DNAH8: variants seen among roughly 807,000 people sequenced by gnomAD.
The protein encoded by DNAH8 is axonemal beta dynein heavy chain 8.
A neutral mutation model predicts 562.1 loss-of-function variants in DNAH8; 382 were observed. The observed-to-expected ratio is 0.68, with a 90% CI of 0.63 to 0.74. The LOEUF is 0.74. Among genes scored for constraint, DNAH8 ranks in the 30% least tolerant of loss-of-function variants. The pLI is 0.00. For missense variants in DNAH8, 5,203 were observed against 5,620.4 expected (o/e 0.93, Z 2.37); for synonymous variants, 1,881 against 1,919.4 (o/e 0.98, Z 0.52).
At chr6:38,721,608 T>C (rs758444308) in intron 1 of DNAH8, among the ~76,000 whole-genome samples, 5 of 152,216 alleles carry the variant, frequency 3.3e-5, no homozygotes, top group Admixed American at 1.3e-4. Flanking sequence ...ATGGTTCATG[T>C]TGACACATTC....
chr6:38,786,963 T>C lies in DNAH8; in HGVS notation c.2583+11T>C. The C allele has an allele frequency of 1.9e-6, 3 of 1,556,674 alleles. No homozygotes were observed. The South Asian group carries it at 3.6e-5, about 19-fold the overall frequency. ...AAACTGTATTTGCAGGTAAGATAGA[T>C]TATGTTTTCTAATTATTTTTGAAGG... On this transcript the variant is annotated intron_variant, in intron 18 of 92. Transcript: ENST00000327475.
chr6:38,727,148 G>A (rs190887233), intron 3 of DNAH8, among the ~76,000 whole-genome samples: 39 of 152,222 alleles, frequency 2.6e-4, no homozygotes, highest in African/African-American at 9.1e-4. Flanking sequence ...GTGGGCCACC[G>A]TGCTGGGCCT....
chr6:38,842,989 G>T, intron 35 of DNAH8, 86 bp downstream of exon 35: 1 of 1,448,948 alleles, frequency 6.9e-7, no homozygotes. Flanking sequence ...TATTTTATGA[G>T]AGGTTGGACT....
In DNAH8 at chr6:38,722,825, G is replaced by GT; in HGVS notation, c.16_17insT (p.Glu6ValfsTer7). The GT allele has an allele frequency of 6.3e-7, 1 of 1,592,580 alleles. No homozygotes were observed. The highest frequency in any genetic ancestry group is 8.5e-7 in the Non-Finnish European group (1 of 1,170,544). On this transcript the variant is annotated frameshift_variant, in exon 2 of 93. Transcript: ENST00000327475. LOFTEE classifies it high-confidence loss of function. ...ACGACGGGGGATGGAGAAGGATGCT[G>GT]AAGATGGCGCCCCTTCTGAGGGAGC...
At chr6:39,007,448 A>G (rs1235614047) in intron 88 of DNAH8, among the ~76,000 whole-genome samples, 1 of 152,242 alleles carries the variant, frequency 6.6e-6, no homozygotes, top group Admixed American at 6.5e-5. Flanking sequence ...TGGACAAGAG[A>G]CAAAATTAGC....
intron 54 of DNAH8, 120 bp downstream of exon 54, chr6:38,883,172 A>G (rs1308513954): frequency 7.5e-7 from 1 of 1,338,292 alleles, no homozygotes; most frequent in Non-Finnish European, 1.0e-6. Context: ...CTGTAATACA[A>G]CTGGGACTTA....
At position 38,842,807 on chromosome 6, in the gene DNAH8, C is replaced by T. The variant is rs749021658; in HGVS notation, c.4749C>T (p.Ser1583=). 1.4e-5 allele frequency: 22 copies of T among 1,613,692 alleles called. No homozygotes were observed. Among genetic ancestry groups the T allele is most frequent in the East Asian group, 2.2e-5 (1 of 44,824 alleles). ...AACAGAGACACTGGGATAGAATCTCCGAGTTAACTGGAACCCCATTTGATG... is the reference window on the plus strand; with the variant it reads ...AACAGAGACACTGGGATAGAATCTCTGAGTTAACTGGAACCCCATTTGATG... The part of the protein sequence containing the change: ...AMKQRHWDRI[S]ELTGTPFDVE... The change falls in exon 35 of 93, where the codon TCC becomes TCT. Residue 1583 remains serine (S), a synonymous_variant. Coordinates refer to ENST00000327475, the MANE Select transcript of DNAH8 (RefSeq NM_001206927.2).
intron 92 of DNAH8, 94 bp from the exon 93 acceptor site, chr6:39,030,011 T>A (rs1006413567): frequency 2.1e-6 from 2 of 943,936 alleles, no homozygotes; most frequent in African/African-American, 3.3e-5. Flanking sequence ...AAGACTGGTG[T>A]GTGTTTTATT....
In DNAH8 at chr6:39,012,683, T is replaced by C. The variant is rs142312664; in HGVS notation, c.13714+46T>C. 3.4e-3 allele frequency: 4,851 copies of C among 1,429,830 alleles called. 131 individuals are homozygous for C. The Admixed American group carries it at 0.055, about 16-fold the overall frequency. 88.6% of individuals were successfully genotyped at this position (1,429,830 alleles called of 1,614,324 possible). A position where few individuals can be genotyped will look rare whatever the true frequency, so the allele number is the denominator to read the frequency against. ...TGGCAAGCTTGGAATTTGTGTATTG[T>C]TGGATAGTAGCATCGTGTGATAAAT... On this transcript the variant is annotated intron_variant, in intron 91 of 92. Coordinates refer to ENST00000327475, the MANE Select transcript of DNAH8 (RefSeq NM_001206927.2).
chr6:38,719,981 T>C (rs1305242512), intron 1 of DNAH8, among the ~76,000 whole-genome samples: 1 of 152,096 alleles, frequency 6.6e-6, no homozygotes, highest in Non-Finnish European at 1.5e-5. Flanking sequence ...AACTCAGATA[T>C]AAGGATGAGA....
chr6:38,976,180 C>G (rs987666536), intron 85 of DNAH8, among the ~76,000 whole-genome samples: 2 of 152,210 alleles, frequency 1.3e-5, no homozygotes, highest in African/African-American at 2.4e-5. Context: ...CCTGGACTTT[C>G]GTGCTTGCTG....
Position 38,913,840 on chromosome 6 carries a change from T to C in DNAH8, c.9860-9T>C. On this transcript the variant is annotated splice_polypyrimidine_tract_variant and intron_variant, in intron 66 of 92. Coordinates refer to ENST00000327475, the MANE Select transcript of DNAH8 (RefSeq NM_001206927.2). ...CTCAGTAAAGGTATATATGTGTGTA[T>C]TTGTAAAGGTCTTGATAAACTAATG... The C allele has an allele frequency of 6.2e-7, 1 of 1,604,184 alleles. No individual in the cohort carries two copies. Among genetic ancestry groups the C allele is most frequent in the Non-Finnish European group, 8.5e-7 (1 of 1,171,586 alleles).
At chr6:38,946,842 G>A (rs1444047198) in intron 80 of DNAH8, among the ~76,000 whole-genome samples, 6 of 152,096 alleles carry the variant, frequency 3.9e-5, no homozygotes, top group Non-Finnish European at 8.8e-5. Flanking sequence ...AGTGATCTCG[G>A]TCTGATCAGA....
intron 47 of DNAH8, among the ~76,000 whole-genome samples, chr6:38,867,678 G>A (rs867259641): frequency 4.0e-5 from 6 of 149,432 alleles, no homozygotes; most frequent in South Asian, 2.1e-4. Context: ...GCTTGAACCC[G>A]GGAGGTGGTG....
Position 38,968,778 on chromosome 6 carries a change from C to G in DNAH8, c.12452-2814C>G, listed in dbSNP as rs1443676138. ...ACCACATGACTCAGCAAACTTGCCT[C>G]TAAGTATATACCCCCAAAAAACTGA... On this transcript the variant is annotated intron_variant, in intron 82 of 92. Transcript: ENST00000327475. Among the ~76,000 whole-genome samples, 4 of 152,102 alleles carry G rather than the reference C, an allele frequency of 2.6e-5. No homozygotes were observed. The South Asian group carries it at 8.3e-4, about 32-fold the overall frequency.
intron 57 of DNAH8, 86 bp downstream of exon 57, chr6:38,887,090 T>G (rs1296295872): frequency 3.1e-6 from 3 of 963,906 alleles, no homozygotes; most frequent in Non-Finnish European, 4.8e-6. Context: ...AAAAAGGCTC[T>G]GTCTAAAGTG....
At chr6:38,782,850 G>C (rs545195343) in intron 16 of DNAH8, among the ~76,000 whole-genome samples, 154 bp from the exon 17 acceptor site, 1 of 152,256 alleles carries the variant, frequency 6.6e-6, no homozygotes, top group South Asian at 2.1e-4. Context: ...GCTTCTTGCT[G>C]ATATGGCCTT....
At chr6:38,848,202 G>C (rs1775449858) in intron 36 of DNAH8, among the ~76,000 whole-genome samples, 1 of 152,076 alleles carries the variant, frequency 6.6e-6, no homozygotes, top group African/African-American at 2.4e-5. Context: ...TTCATAAAAG[G>C]AAAATCCCTG....
chr6:38,797,271 G>T (rs1177704997), intron 21 of DNAH8, among the ~76,000 whole-genome samples: 1 of 152,064 alleles, frequency 6.6e-6, no homozygotes, highest in African/African-American at 2.4e-5. Context: ...GGTGGTGCAT[G>T]CCTGTAATCC....
Sources: gnomAD v4.1 joint callset for allele counts (sites outside exome capture counted in the v4.1 genomes callset) on GRCh38, gnomAD v4.1.1 for gene constraint, MANE v1.5 for transcripts, NCBI Gene and HGNC (gene_info 2026-07-23, HGNC 2026-07-21) for gene names.